RBFOX1: variants seen among roughly 807,000 people sequenced by gnomAD.
The protein encoded by RBFOX1 is RNA binding protein fox-1 homolog 1.
In RBFOX1, 8 loss-of-function variants were observed where a neutral mutation model predicts 57.7. The ratio of observed to expected loss-of-function variants is 0.14; its 90% CI spans 0.08 to 0.25. The LOEUF (loss-of-function observed/expected upper bound fraction) is 0.25. RBFOX1 is among the 10% of genes least tolerant of loss of function. RBFOX1 has a pLI of 1.00. For synonymous variants in RBFOX1, 326 were observed against 222.4 expected, an observed-to-expected ratio of 1.47 and a Z score of -4.15; for missense variants, 611 against 548.5, an observed-to-expected ratio of 1.11 and a Z score of -1.14.
chr16:6,284,585 T>C (rs1381056823), intron 1 of RBFOX1, among the ~76,000 whole-genome samples: 2 of 152,184 alleles, frequency 1.3e-5, no homozygotes. Context: ...ATTTTATAGC[T>C]TTAAATACGG....
chr16:7,424,035 AGCACAAG>A (rs1221262792), intron 4 of RBFOX1, among the ~76,000 whole-genome samples: 2 of 152,192 alleles, frequency 1.3e-5, no homozygotes. Context: ...ATATAACTTA[AGCACAAG>A]GCAGCGAAAA....
intron 2 of RBFOX1, among the ~76,000 whole-genome samples, chr16:6,514,162 G>C (rs923251203): frequency 1.3e-5 from 2 of 152,150 alleles, no homozygotes; most frequent in African/African-American, 4.8e-5. Flanking sequence ...TGCTCTTTCT[G>C]CTTTTGAGCC....
chr16:7,111,868 C>A (rs1431718630), intron 4 of RBFOX1, among the ~76,000 whole-genome samples: 1 of 151,732 alleles, frequency 6.6e-6, no homozygotes, highest in African/African-American at 2.4e-5. Flanking sequence ...ATAAATTGAT[C>A]AGTTGAATTG....
intron 1 of RBFOX1, among the ~76,000 whole-genome samples, chr16:6,044,576 A>C (rs147866392): frequency 6.6e-6 from 1 of 152,364 alleles, no homozygotes; most frequent in African/African-American, 2.4e-5. Context: ...GCATTCCACA[A>C]GTAAACAGCA....
rs1349834953 is a variant in RBFOX1 at position 5,876,320 on chromosome 16, T to C, written c.351+8985T>C. Among the ~76,000 whole-genome samples, 4 of 152,050 alleles carry C rather than the reference T, an allele frequency of 2.6e-5. No individual in the cohort carries two copies. The East Asian group carries it at 7.7e-4, about 29-fold the overall frequency. ...TCACAATATAACCCTATGAAGTACATCCTATCATTTTTTCTGTTTTACAGA... is the reference window on the plus strand; with the variant it reads ...TCACAATATAACCCTATGAAGTACACCCTATCATTTTTTCTGTTTTACAGA... On this transcript the variant is annotated intron_variant, in intron 4 of 19. Transcript: ENST00000641259.
chr16:6,664,598 C>G (rs1488797686), intron 3 of RBFOX1, among the ~76,000 whole-genome samples: 5 of 152,164 alleles, frequency 3.3e-5, no homozygotes, highest in African/African-American at 7.2e-5. Flanking sequence ...GCATGTAGCC[C>G]ACCACCAGTG....
At chr16:6,387,974 A>ATTTTTTTTTTTTTTTTTTTTTTTTTTTT (rs61603572) in intron 2 of RBFOX1, among the ~76,000 whole-genome samples, 4 of 84,150 alleles carry the variant, frequency 4.8e-5, no homozygotes, top group African/African-American at 5.4e-5. Flanking sequence ...TTTGTGGAAC[A>ATTTTTTTTTTTTTTTTTTTTTTTTTTTT]TTTTTTTTTT....
intron 1 of RBFOX1, among the ~76,000 whole-genome samples, chr16:5,402,072 A>T (rs1379462437): frequency 6.6e-6 from 1 of 152,084 alleles, no homozygotes; most frequent in Non-Finnish European, 1.5e-5. Context: ...GGCATTGGAG[A>T]GTACTCCCGG....
intron 5 of RBFOX1, among the ~76,000 whole-genome samples, chr16:7,552,248 A>G (rs532314565): frequency 7.9e-5 from 12 of 152,134 alleles, no homozygotes; most frequent in African/African-American, 2.9e-4. Context: ...GTTTTCAGGT[A>G]TGCTTCTTTA....
At chr16:5,304,684 A>T (rs777202986) in intron 1 of RBFOX1, among the ~76,000 whole-genome samples, 1 of 152,238 alleles carries the variant, frequency 6.6e-6, no homozygotes, top group Non-Finnish European at 1.5e-5. Flanking sequence ...CTCATGGGCT[A>T]GCAGGGAAGA....
chr16:5,587,383 C>G (rs1197295719), intron 2 of RBFOX1, among the ~76,000 whole-genome samples: 2 of 152,210 alleles, frequency 1.3e-5, no homozygotes, highest in Non-Finnish European at 2.9e-5. Context: ...CAGGGAGATA[C>G]CACTGCACAC....
At chr16:5,575,340 C>G (rs1024431687) in intron 2 of RBFOX1, among the ~76,000 whole-genome samples, 1 of 152,218 alleles carries the variant, frequency 6.6e-6, no homozygotes, top group Admixed American at 6.5e-5. Flanking sequence ...GCGTCATCAT[C>G]ACTGCCATCA....
chr16:7,625,720 C>G (rs534655471), intron 10 of RBFOX1, among the ~76,000 whole-genome samples: 156 of 152,340 alleles, frequency 1.0e-3, no homozygotes, highest in African/African-American at 3.6e-3. Context: ...CATGTACTGA[C>G]TTGGAACTGT....
intron 2 of RBFOX1, among the ~76,000 whole-genome samples, chr16:6,327,131 A>G (rs1407187317): frequency 6.6e-6 from 1 of 152,156 alleles, no homozygotes; most frequent in East Asian, 1.9e-4. Context: ...TTTCCTCTGC[A>G]ATCCCAGTCC....
At chr16:5,967,002 G>GGGGGGGGT (rs796981395) in intron 4 of RBFOX1, among the ~76,000 whole-genome samples, 2 of 103,760 alleles carry the variant, frequency 1.9e-5, no homozygotes, top group Non-Finnish European at 4.2e-5. Flanking sequence ...GGGGGGGGGG[G>GGGGGGGGT]GGTCAATAAA....
intron 2 of RBFOX1, among the ~76,000 whole-genome samples, chr16:6,585,590 C>T (rs1367267072): frequency 6.6e-6 from 1 of 152,094 alleles, no homozygotes; most frequent in East Asian, 1.9e-4. Context: ...GGGTAGGACT[C>T]TTCCAGTCTT....
intron 1 of RBFOX1, among the ~76,000 whole-genome samples, chr16:5,248,837 T>C (rs112703309): frequency 6.6e-6 from 1 of 151,722 alleles, no homozygotes; most frequent in Non-Finnish European, 1.5e-5. Flanking sequence ...AAAAATACAA[T>C]AATTAGCTGG....
intron 2 of RBFOX1, among the ~76,000 whole-genome samples, chr16:6,427,794 T>C (rs963229233): frequency 2.6e-5 from 4 of 152,180 alleles, no homozygotes; most frequent in Admixed American, 6.5e-5. Context: ...GAGATAGTGA[T>C]TTCAGAGTAT....
intron 2 of RBFOX1, among the ~76,000 whole-genome samples, chr16:6,510,140 T>G (rs1329659544): frequency 6.6e-6 from 1 of 152,124 alleles, no homozygotes; most frequent in Non-Finnish European, 1.5e-5. Flanking sequence ...TGGGAGTCAG[T>G]AGAGAAAGAG....
Sources: allele counts gnomAD v4.1 joint callset (sites outside exome capture counted in the v4.1 genomes callset), GRCh38; gene constraint gnomAD v4.1.1; transcripts MANE v1.5; gene names NCBI Gene and HGNC (gene_info 2026-07-23, HGNC 2026-07-21).